Variants in ABL2 observed in about 807,000 individuals in gnomAD.
ABL2 encodes tyrosine-protein kinase ABL2.
Under a neutral mutation model 107.7 loss-of-function variants are expected in ABL2, and 49 were observed. The ratio of observed to expected loss-of-function variants is 0.45; its 90% CI spans 0.36 to 0.58. The LOEUF (loss-of-function observed/expected upper bound fraction) is 0.58, where lower values mean the gene tolerates loss of function less well. Among genes scored for constraint, ABL2 ranks in the 20% least tolerant of loss-of-function variants. ABL2 has a pLI of 0.00. For synonymous variants in ABL2, 549 were observed against 548.6 expected (o/e 1.00, Z -0.01); for missense variants, 1,245 against 1,457.0 (o/e 0.85, Z 2.37).
rs1213250134 is a variant in ABL2, at chr1:179,106,085, C to T, written c.*1633G>A. On this transcript the variant is annotated 3_prime_UTR_variant, in exon 12 of 12. Transcript: ENST00000502732. ...GTGCTCAATGTTGAATTCCTATCTT[C>T]CTAAGCTAATATTCCTTTGAGAGAA... is the stretch of plus-strand genomic sequence containing the variant. 1 of 217,120 alleles carries T rather than the reference C, an allele frequency of 4.6e-6. No homozygotes were observed. Among genetic ancestry groups the T allele is most frequent in the African/African-American group, 2.2e-5 (1 of 44,468 alleles). The allele number at this position is 217,120 out of a possible 1,614,324, so 13.4% of individuals were successfully genotyped here.
At chr1:179,115,685 G>T (rs985199220) in intron 8 of ABL2, among the ~76,000 whole-genome samples, 7 of 151,974 alleles carry the variant, frequency 4.6e-5, no homozygotes, top group African/African-American at 1.7e-4. Flanking sequence ...CCAAGGGGGG[G>T]GTCTTAGAAT....
At position 179,105,252 on chromosome 1, in the gene ABL2, T is replaced by C. The variant is rs186529872; in HGVS notation, c.*2466A>G. On this transcript the variant is annotated 3_prime_UTR_variant, in exon 12 of 12. Coordinates refer to ENST00000502732, the MANE Select transcript of ABL2 (RefSeq NM_007314.4). The stretch of plus-strand genomic sequence containing the variant: ...AGAAAACCAGGGAGCCTAAATACAC[T>C]CAGTAGTGTTTCTCCAAGGCTTAGT... 2.5e-4 allele frequency: 57 copies of C among 230,760 alleles called. No homozygotes were observed. The East Asian group carries it at 3.5e-3, about 14-fold the overall frequency. 14.3% of individuals were successfully genotyped at this position (230,760 alleles called of 1,614,324 possible).
chr1:179,190,411 G>T (rs1660932620), intron 1 of ABL2, among the ~76,000 whole-genome samples: 1 of 152,198 alleles, frequency 6.6e-6, no homozygotes, highest in African/African-American at 2.4e-5. Context: ...AGGTGTGGGA[G>T]AAGAGGGGCT....
At chr1:179,155,756 T>C (rs1571213864) in intron 1 of ABL2, among the ~76,000 whole-genome samples, 1 of 150,890 alleles carries the variant, frequency 6.6e-6, no homozygotes, top group Non-Finnish European at 1.5e-5. Flanking sequence ...AAAAAAATTA[T>C]ACAGCTCATG....
chr1:179,169,565 AG>A (rs1659598176), intron 1 of ABL2, among the ~76,000 whole-genome samples: 1 of 151,874 alleles, frequency 6.6e-6, no homozygotes, highest in Non-Finnish European at 1.5e-5. Context: ...AAAAAAAAAA[AG>A]ACTAAGAGAC....
At position 179,106,482 on chromosome 1, in the gene ABL2, T is replaced by C. The variant is rs1653478624; in HGVS notation, c.*1236A>G. The C allele has an allele frequency of 4.3e-6, 1 of 232,828 alleles. No individual in the cohort carries two copies. Among genetic ancestry groups the C allele is most frequent in the Non-Finnish European group, 8.5e-6 (1 of 117,902 alleles). The allele number at this position is 232,828 out of a possible 1,614,324, so 14.4% of individuals were successfully genotyped here. A position where few individuals can be genotyped will look rare whatever the true frequency, so the allele number is the denominator to read the frequency against. On this transcript the variant is annotated 3_prime_UTR_variant, in exon 12 of 12. Transcript: ENST00000502732. ...GATCTGTACAAATAAGCACAATGAT[T>C]GGGTGGGGGAGTAGGGAGGAATATG...
At chr1:179,227,619 T>C (rs908617820) in intron 1 of ABL2, among the ~76,000 whole-genome samples, 1 of 152,244 alleles carries the variant, frequency 6.6e-6, no homozygotes, top group Admixed American at 6.5e-5. Flanking sequence ...TGAAGCTTAC[T>C]TGGATGATTT....
intron 1 of ABL2, 25 bp from the exon 2 acceptor site, chr1:179,133,399 G>A (rs778541266): frequency 3.1e-6 from 5 of 1,613,952 alleles, no homozygotes; most frequent in Middle Eastern, 1.7e-4. Context: ...AATTGACCAC[G>A]TCACTTTTCT....
intron 1 of ABL2, among the ~76,000 whole-genome samples, chr1:179,135,735 A>AGCCCCTCTGCCCGGCCAGCT (rs1656858054): frequency 7.7e-6 from 1 of 129,756 alleles, no homozygotes; most frequent in Non-Finnish European, 1.6e-5. Flanking sequence ...GGAAGTGAGG[A>AGCCCCTCTGCCCGGCCAGCT]GCCCCTCTGC....
At chr1:179,180,452 T>C (rs1660308781) in intron 1 of ABL2, among the ~76,000 whole-genome samples, 1 of 152,228 alleles carries the variant, frequency 6.6e-6, no homozygotes, top group Non-Finnish European at 1.5e-5. Flanking sequence ...ATATGTCCCA[T>C]GTTTCACAGA....
chr1:179,153,300 C>T (rs1199309641), intron 1 of ABL2, among the ~76,000 whole-genome samples: 1 of 151,988 alleles, frequency 6.6e-6, no homozygotes, highest in Non-Finnish European at 1.5e-5. Context: ...AGGCTATTGG[C>T]TCCTGTATTA....
chr1:179,170,541 C>T (rs1292478986), intron 1 of ABL2, among the ~76,000 whole-genome samples: 4 of 152,034 alleles, frequency 2.6e-5, no homozygotes, highest in Admixed American at 6.6e-5. Flanking sequence ...CTCAGCTTCC[C>T]GAGTAGCTCG....
chr1:179,116,234 C>T (rs950099286), intron 8 of ABL2, among the ~76,000 whole-genome samples: 13 of 152,002 alleles, frequency 8.6e-5, no homozygotes, highest in Non-Finnish European at 1.6e-4. Flanking sequence ...ATTAGCCGGG[C>T]ATGGTGATGC....
chr1:179,142,993 C>T, intron 1 of ABL2: 6 of 1,614,204 alleles, frequency 3.7e-6, no homozygotes, highest in Non-Finnish European at 5.1e-6. Context: ...AGTGAAGTGT[C>T]CTGATCTCTG....
intron 1 of ABL2, among the ~76,000 whole-genome samples, chr1:179,187,115 CTCTTA>C (rs1212305009): frequency 6.6e-6 from 1 of 152,128 alleles, no homozygotes; most frequent in African/African-American, 2.4e-5. Flanking sequence ...CTCTTTGTCT[CTCTTA>C]TATGTGATTT....
chr1:179,132,375 C>G lies in ABL2; in HGVS notation c.221-894G>C, dbSNP rs188537815. Among the ~76,000 whole-genome samples the G allele has an allele frequency of 6.8e-4, 103 of 152,272 alleles. 2 individuals carry two copies. In the East Asian group the frequency reaches 0.018, roughly 27 times the overall value. Reference sequence around the variant, plus strand: ...CTTAAAGATCACCTGCTTCTCACAGCCCAGATCGATTATACAAAAAACAGT... The same window carrying G: ...CTTAAAGATCACCTGCTTCTCACAGGCCAGATCGATTATACAAAAAACAGT... On this transcript the variant is annotated intron_variant, in intron 2 of 11. Coordinates refer to ENST00000502732, the MANE Select transcript of ABL2 (RefSeq NM_007314.4).
intron 1 of ABL2, among the ~76,000 whole-genome samples, chr1:179,222,901 A>G (rs370920573): frequency 6.6e-6 from 1 of 152,078 alleles, no homozygotes; most frequent in African/African-American, 2.4e-5. Context: ...ATTTGAGGCC[A>G]GGAGTTCGAG....
At chr1:179,229,096 T>C (rs763497765) in intron 1 of ABL2, 145 bp downstream of exon 1, 241 of 1,061,908 alleles carry the variant, frequency 2.3e-4, no homozygotes, top group Non-Finnish European at 3.1e-4. Context: ...CTCCCAGGAC[T>C]GGACCAGATG....
chr1:179,131,067 A>C, intron 3 of ABL2: 1 of 263,122 alleles, frequency 3.8e-6, no homozygotes, highest in Non-Finnish European at 7.6e-6. Context: ...CAGCCTCCTG[A>C]GTAGCTGGGA....
Sources: gnomAD v4.1 joint callset for allele counts (sites outside exome capture counted in the v4.1 genomes callset) on GRCh38, gnomAD v4.1.1 for gene constraint, MANE v1.5 for transcripts, NCBI Gene and HGNC (gene_info 2026-07-23, HGNC 2026-07-21) for gene names.